The following DGCR2 variants were observed in gnomAD, a reference collection of about 807,000 sequenced individuals.
DGCR2 encodes DiGeorge syndrome critical region gene 2.
In DGCR2, 24 loss-of-function variants were observed where a neutral mutation model predicts 51.6. The observed-to-expected ratio is 0.47, with a 90% CI of 0.34 to 0.65. The LOEUF (loss-of-function observed/expected upper bound fraction) is 0.65, where lower values mean the gene tolerates loss of function less well. DGCR2 is among the 30% of genes least tolerant of loss of function. DGCR2 has a pLI of 0.01. For missense variants in DGCR2, 765 were observed against 772.1 expected (o/e 0.99, Z 0.11); for synonymous variants, 340 against 315.4 (o/e 1.08, Z -0.82).
At chr22:19,111,209 G>A (rs2083310820) in intron 1 of DGCR2, among the ~76,000 whole-genome samples, 1 of 152,144 alleles carries the variant, frequency 6.6e-6, no homozygotes, top group Admixed American at 6.5e-5. Context: ...GATCACAGAG[G>A]GTGGTCACCA....
Position 19,089,504 on chromosome 22 carries a change from G to A in DGCR2, c.80-14C>T. On this transcript the variant is annotated splice_polypyrimidine_tract_variant and intron_variant, in intron 1 of 9. Coordinates refer to ENST00000263196, the MANE Select transcript of DGCR2 (RefSeq NM_005137.3). Reference sequence around the variant, plus strand: ...TGCACCGCAGCTCTGTGGGACCAAAGGGTGAGAGGCCATTGAGGAAGTGGC... The same window carrying A: ...TGCACCGCAGCTCTGTGGGACCAAAAGGTGAGAGGCCATTGAGGAAGTGGC... 6.5e-7 allele frequency: 1 copy of A among 1,547,660 alleles called. No individual in the cohort carries two copies.
At chr22:19,063,624 T>C (rs1053746411) in intron 4 of DGCR2, among the ~76,000 whole-genome samples, 1 of 151,792 alleles carries the variant, frequency 6.6e-6, no homozygotes, top group Non-Finnish European at 1.5e-5. Context: ...GCTGGGATTG[T>C]TTTTTAATAG....
intron 1 of DGCR2, among the ~76,000 whole-genome samples, chr22:19,101,036 G>T (rs540758623): frequency 6.6e-6 from 1 of 152,184 alleles, no homozygotes; most frequent in East Asian, 1.9e-4. Flanking sequence ...AACCTCGGAG[G>T]TGGATGGTCC....
chr22:19,062,630 C>A (rs1343080752), intron 5 of DGCR2, among the ~76,000 whole-genome samples: 1 of 152,014 alleles, frequency 6.6e-6, no homozygotes, highest in Non-Finnish European at 1.5e-5. Context: ...GAGGAGCTCG[C>A]CAGTGCCAGG....
At chr22:19,119,336 A>C (rs964176998) in intron 1 of DGCR2, among the ~76,000 whole-genome samples, 1 of 152,176 alleles carries the variant, frequency 6.6e-6, no homozygotes, top group Non-Finnish European at 1.5e-5. Flanking sequence ...TCTTTAAATG[A>C]GGCTAAAAAC....
Position 19,118,240 on chromosome 22 carries a change from C to T in DGCR2, c.79+3888G>A, listed in dbSNP as rs576561025. The stretch of plus-strand genomic sequence containing the variant: ...ATACAAAATTATCCCAGCATGGTGG[C>T]GTGCGCCGTAATCAAAGTTACTCTG... On this transcript the variant is annotated intron_variant, in intron 1 of 9. Transcript: ENST00000263196. Among the ~76,000 whole-genome samples, 11 of 152,136 alleles carry T rather than the reference C, an allele frequency of 7.2e-5. No individual in the cohort carries two copies. In the South Asian group the frequency reaches 2.1e-3, roughly 29 times the overall value.
At chr22:19,119,728 T>C in intron 1 of DGCR2, among the ~76,000 whole-genome samples, 1 of 127,194 alleles carries the variant, frequency 7.9e-6, no homozygotes, top group African/African-American at 3.3e-5. Context: ...AGAGCAGGAC[T>C]CTGTCTCAAA....
chr22:19,068,840 C>A (rs889121319), intron 2 of DGCR2, among the ~76,000 whole-genome samples: 1 of 152,288 alleles, frequency 6.6e-6, no homozygotes, highest in Non-Finnish European at 1.5e-5. Context: ...AAGGTGTCAA[C>A]AGGCAGCTGA....
intron 9 of DGCR2, among the ~76,000 whole-genome samples, chr22:19,039,899 A>G (rs2082412413): frequency 6.6e-6 from 1 of 151,734 alleles, no homozygotes; most frequent in Non-Finnish European, 1.5e-5. Context: ...TTTTGTGGAG[A>G]AGGAGGTCTC....
intron 5 of DGCR2, chr22:19,061,333 G>A (rs1010132974): frequency 6.5e-6 from 1 of 152,804 alleles, no homozygotes; most frequent in African/African-American, 2.4e-5. Context: ...ACTATGGAGA[G>A]AGGAGTGCGT....
intron 3 of DGCR2, among the ~76,000 whole-genome samples, chr22:19,067,583 C>G (rs549684962): frequency 2.6e-5 from 4 of 152,016 alleles, no homozygotes; most frequent in Non-Finnish European, 5.9e-5. Context: ...ATCCCAGCTA[C>G]TCGGGAGGCT....
intron 1 of DGCR2, among the ~76,000 whole-genome samples, chr22:19,117,181 G>A (rs989692301): frequency 6.6e-6 from 1 of 152,194 alleles, no homozygotes; most frequent in Non-Finnish European, 1.5e-5. Context: ...ACCGGCCACC[G>A]CTGCTAAGAG....
chr22:19,076,314 C>CCGCGCCCGG (rs2082875789), intron 2 of DGCR2, among the ~76,000 whole-genome samples: 1 of 149,720 alleles, frequency 6.7e-6, no homozygotes, highest in Admixed American at 6.6e-5. Context: ...GCATGCATCA[C>CCGCGCCCGG]CATACTCGGC....
rs1247861160 is a variant in DGCR2 at position 19,038,618 on chromosome 22, A to G, written c.*247T>C. ...GAATTTTGTCACTCTTCTGCCATTT[A>G]TAAAGGAGAAGACAGTGATCCAAAG... On this transcript the variant is annotated 3_prime_UTR_variant, in exon 10 of 10. Transcript: ENST00000263196. The G allele has an allele frequency of 1.8e-6, 1 of 556,798 alleles. No individual in the cohort carries two copies. Among genetic ancestry groups the G allele is most frequent in the South Asian group, 2.4e-5 (1 of 42,486 alleles). 34.5% of individuals were successfully genotyped at this position (556,798 alleles called of 1,614,324 possible).
intron 1 of DGCR2, among the ~76,000 whole-genome samples, chr22:19,092,829 A>G (rs1472967003): frequency 6.6e-6 from 1 of 152,226 alleles, no homozygotes; most frequent in African/African-American, 2.4e-5. Context: ...GTGCAAAGGC[A>G]GCTCCCTGAA....
At chr22:19,104,087 G>T (rs1242223869) in intron 1 of DGCR2, among the ~76,000 whole-genome samples, 1 of 152,078 alleles carries the variant, frequency 6.6e-6, no homozygotes, top group African/African-American at 2.4e-5. Flanking sequence ...TCAGAGCAAT[G>T]ATGTCATCAC....
intron 6 of DGCR2, among the ~76,000 whole-genome samples, chr22:19,050,995 C>T (rs1322157095): frequency 6.6e-6 from 1 of 151,904 alleles, no homozygotes; most frequent in Non-Finnish European, 1.5e-5. Context: ...TTGAGACCAG[C>T]CTGGCCAACA....
intron 4 of DGCR2, 84 bp from the exon 5 acceptor site, chr22:19,063,362 G>A: frequency 3.0e-6 from 4 of 1,346,844 alleles, no homozygotes; most frequent in Admixed American, 1.9e-5. Context: ...TGTTTTTTGA[G>A]ACAGAGTCTC....
chr22:19,118,706 G>A (rs938378350), intron 1 of DGCR2, among the ~76,000 whole-genome samples: 5 of 152,246 alleles, frequency 3.3e-5, no homozygotes, highest in Admixed American at 3.3e-4. Context: ...GGACCAGGGT[G>A]CACCAGCATT....
Sources: gnomAD v4.1 joint callset for allele counts (sites outside exome capture counted in the v4.1 genomes callset) on GRCh38, gnomAD v4.1.1 for gene constraint, MANE v1.5 for transcripts, NCBI Gene and HGNC (gene_info 2026-07-23, HGNC 2026-07-21) for gene names.